Variants in NFATC1 observed in about 807,000 individuals in gnomAD.
NFATC1 encodes nuclear factor of activated T-cells, cytoplasmic 1.
In NFATC1, 22 loss-of-function variants were observed where a neutral mutation model predicts 76.0. That is an observed-to-expected ratio of 0.29 (90% CI 0.21 to 0.41). The LOEUF (loss-of-function observed/expected upper bound fraction) is 0.41, where lower values mean the gene tolerates loss of function less well. Ranked by LOEUF, NFATC1 falls within the 10% of genes least tolerant of loss-of-function variation. The pLI is 1.00. For synonymous variants in NFATC1, 704 were observed against 613.1 expected (o/e 1.15, Z -2.19); for missense variants, 1,357 against 1,337.7 (o/e 1.01, Z -0.23).
intron 6 of NFATC1, among the ~76,000 whole-genome samples, chr18:79,455,693 C>T (rs1023925292): frequency 2.8e-4 from 43 of 152,058 alleles, no homozygotes; most frequent in African/African-American, 1.0e-3. Context: ...AAACCCCAGA[C>T]AGCCAGGTTC....
chr18:79,480,793 TGA>T (rs1246008231), intron 8 of NFATC1, among the ~76,000 whole-genome samples: 4 of 152,112 alleles, frequency 2.6e-5, no homozygotes, highest in East Asian at 3.9e-4. Context: ...AGCTGGTGGG[TGA>T]GAGTTTTTAA....
At chr18:79,398,957 C>T (rs2085092329) in intron 1 of NFATC1, among the ~76,000 whole-genome samples, 1 of 152,248 alleles carries the variant, frequency 6.6e-6, no homozygotes, top group Non-Finnish European at 1.5e-5. Context: ...GTCCCAGCTA[C>T]TCTGGAGGCT....
chr18:79,486,756 G>T lies in NFATC1; in HGVS notation c.2601G>T (p.Ala867=), dbSNP rs368703221. 6.2e-7 allele frequency: 1 copy of T among 1,604,250 alleles called. No homozygotes were observed. The highest frequency in any genetic ancestry group is 8.5e-7 in the Non-Finnish European group (1 of 1,176,800). Residue 867 remains alanine, a synonymous_variant, in exon 9 of 10, where the codon GCG becomes GCT. Transcript: ENST00000427363. Reference sequence around the variant, plus strand: ...CCTGCCTGCAGCCCTGCAGCCCAGCGTGCCCGCCCGCCACGGGCCGCCCGC... The same window carrying T: ...CCTGCCTGCAGCCCTGCAGCCCAGCTTGCCCGCCCGCCACGGGCCGCCCGC... ...EPTCLQPCSP[A]CPPATGRPQH... is the part of the protein sequence containing the mutation.
At chr18:79,469,927 G>T in intron 8 of NFATC1, 1 of 985,532 alleles carries the variant, frequency 1.0e-6, no homozygotes, top group Non-Finnish European at 1.2e-6. Flanking sequence ...CCAGGCTGCC[G>T]CAGGGCGAGA....
At chr18:79,472,235 C>A (rs1269941617) in intron 8 of NFATC1, among the ~76,000 whole-genome samples, 1 of 152,150 alleles carries the variant, frequency 6.6e-6, no homozygotes, top group Non-Finnish European at 1.5e-5. Context: ...GCTTTCTCTG[C>A]TGGCACTTCC....
chr18:79,477,537 C>T lies in NFATC1; in HGVS notation c.2093-8711C>T, dbSNP rs142385422. Among the ~76,000 whole-genome samples, 90 of 152,146 alleles carry T rather than the reference C, an allele frequency of 5.9e-4. 1 individual carries two copies. Among genetic ancestry groups the T allele is most frequent in the Admixed American group, 8.5e-4 (13 of 15,276 alleles). ...GGCACTGTCTCAGTCTTTGGGGCTTCCATGGTGGAGCACTACCGGCCGTAC... is the reference window on the plus strand; with the variant it reads ...GGCACTGTCTCAGTCTTTGGGGCTTTCATGGTGGAGCACTACCGGCCGTAC... On this transcript the variant is annotated intron_variant, in intron 8 of 9. Transcript: ENST00000427363.
intron 7 of NFATC1, among the ~76,000 whole-genome samples, chr18:79,466,807 G>A (rs148034772): frequency 2.2e-4 from 33 of 152,322 alleles, no homozygotes; most frequent in African/African-American, 5.1e-4. Context: ...CCCAGAGACC[G>A]CGTCTCCAGG....
At chr18:79,461,025 C>T (rs2088042373) in intron 6 of NFATC1, among the ~76,000 whole-genome samples, 1 of 152,358 alleles carries the variant, frequency 6.6e-6, no homozygotes, top group East Asian at 1.9e-4. Context: ...TGCCCCTGCC[C>T]TGTAGTCCCT....
rs1379437626 is a variant in NFATC1 at position 79,450,690 on chromosome 18, G to T, written c.1590-264G>T. Among the ~76,000 whole-genome samples, 4 of 152,212 alleles carry T rather than the reference G, an allele frequency of 2.6e-5. No homozygotes were observed. The East Asian group carries it at 7.7e-4, about 29-fold the overall frequency. The stretch of plus-strand genomic sequence containing the variant: ...GAGGCTGGAGGCTGGAGGAAGGTGG[G>T]AAGGGGAAGGTGGAAGTGGCTTTTC... On this transcript the variant is annotated intron_variant, in intron 4 of 9. Transcript: ENST00000427363.
intron 8 of NFATC1, among the ~76,000 whole-genome samples, chr18:79,483,146 GGGGTGTAATTCCAGCGTGACCTGGTTC>G (rs2089357029): frequency 1.0e-5 from 1 of 98,634 alleles, no homozygotes. Flanking sequence ...CCTGGTTCCT[GGGGTGTAATTCCAGCGTGACCTGGTTC>G]CTGGGGTGTA....
intron 8 of NFATC1, among the ~76,000 whole-genome samples, chr18:79,484,850 G>A (rs115507957): frequency 5.3e-5 from 8 of 152,320 alleles, no homozygotes; most frequent in Non-Finnish European, 1.0e-4. Context: ...ACCTGTGCGG[G>A]GGGGGAAGAG....
chr18:79,499,834 A>G (rs1187341937), intron 9 of NFATC1, among the ~76,000 whole-genome samples: 3 of 152,190 alleles, frequency 2.0e-5, no homozygotes, highest in Non-Finnish European at 2.9e-5. Context: ...CTACACTAAT[A>G]TCAGACAAAT....
intron 2 of NFATC1, among the ~76,000 whole-genome samples, chr18:79,413,685 G>A (rs1342547936): frequency 6.6e-6 from 1 of 152,246 alleles, no homozygotes; most frequent in South Asian, 2.1e-4. Flanking sequence ...CAGTAAAAAT[G>A]GCAGGCAGCC....
rs138155687 is a variant in NFATC1 at position 79,410,446 on chromosome 18, G to A, written c.171G>A (p.Pro57=). 290 of 1,611,742 alleles carry A rather than the reference G, an allele frequency of 1.8e-4. No individual in the cohort carries two copies. The highest frequency in any genetic ancestry group is 2.3e-4 in the Non-Finnish European group (273 of 1,179,726). ...CCTCCAACGTCAGCCCCGCCCTGCC[G>A]CTCCCCACGGCGCACTCCACCCTGC... ...YASSNVSPAL[P]LPTAHSTLPA... is the part of the protein sequence containing the mutation. The change falls in exon 2 of 10, where the codon CCG becomes CCA. Residue 57 remains proline, a synonymous_variant. Transcript: ENST00000427363. This position sits in a 1 kb window ranked among gnomAD's most constrained non-coding sequence, Gnocchi z 6.7.
intron 2 of NFATC1, among the ~76,000 whole-genome samples, chr18:79,416,704 C>T (rs1254352582): frequency 6.6e-6 from 1 of 152,202 alleles, no homozygotes; most frequent in Non-Finnish European, 1.5e-5. Flanking sequence ...GGACTGACTG[C>T]CACTGCGTCT....
chr18:79,478,119 C>CT (rs2089148941), intron 8 of NFATC1, among the ~76,000 whole-genome samples: 1 of 114,438 alleles, frequency 8.7e-6, no homozygotes, highest in South Asian at 3.2e-4. Context: ...GCCCCCAGGC[C>CT]CCCCCCCGCC....
intron 1 of NFATC1, chr18:79,400,444 AC>A: frequency 6.7e-7 from 1 of 1,492,022 alleles, no homozygotes; most frequent in Admixed American, 2.3e-5. Context: ...TTCGAGTTTA[AC>A]CAGCGCGACG....
intron 2 of NFATC1, among the ~76,000 whole-genome samples, chr18:79,422,970 C>T (rs894216732): frequency 6.6e-6 from 1 of 151,546 alleles, no homozygotes; most frequent in African/African-American, 2.4e-5. Flanking sequence ...CTCAGCTTCT[C>T]ACCCATCCGG....
intron 7 of NFATC1, among the ~76,000 whole-genome samples, chr18:79,462,467 G>A (rs2088160498): frequency 6.6e-6 from 1 of 152,112 alleles, no homozygotes; most frequent in Admixed American, 6.6e-5. Context: ...ACCACGCCCG[G>A]CTAATTTTGT....
Sources: gnomAD v4.1 joint callset for allele counts (sites outside exome capture counted in the v4.1 genomes callset) on GRCh38, gnomAD v4.1.1 for gene constraint, Gnocchi (gnomAD v3.1) non-coding constraint, MANE v1.5 for transcripts, NCBI Gene and HGNC (gene_info 2026-07-23, HGNC 2026-07-21) for gene names.